Variants in MECOM observed in about 807,000 individuals in gnomAD.
MECOM encodes the protein histone-lysine N-methyltransferase MECOM.
In MECOM, 13 loss-of-function variants were observed where a neutral mutation model predicts 116.3. The observed-to-expected ratio is 0.11, with a 90% CI of 0.07 to 0.18. The LOEUF is 0.18. Among genes scored for constraint, MECOM ranks in the 10% least tolerant of loss-of-function variants. The probability of loss-of-function intolerance (pLI) is 1.00; values close to 1 mark genes in which losing one functional copy is unlikely to be tolerated. For missense variants in MECOM, 1,299 were observed against 1,509.0 expected (o/e 0.86, Z 2.31); for synonymous variants, 528 against 535.2 (o/e 0.99, Z 0.19).
chr3:169,634,539 G>A (rs2109989183), intron 1 of MECOM, among the ~76,000 whole-genome samples: 1 of 152,268 alleles, frequency 6.6e-6, no homozygotes, highest in East Asian at 1.9e-4. Flanking sequence ...GCAAATAGCA[G>A]AGGGCAGAAG....
intron 3 of MECOM, chr3:169,134,108 A>G (rs1735632065): frequency 2.9e-6 from 1 of 350,184 alleles, no homozygotes; most frequent in African/African-American, 2.1e-5. Flanking sequence ...ACGTCAGGTC[A>G]TTTTAAGAGA....
At chr3:169,173,589 A>G (rs1406809793) in intron 2 of MECOM, among the ~76,000 whole-genome samples, 1 of 152,154 alleles carries the variant, frequency 6.6e-6, no homozygotes, top group Non-Finnish European at 1.5e-5. Context: ...AATCCAGCCA[A>G]TCCTCAAGCT....
rs565001621 is a variant in MECOM, at chr3:169,643,730, T to C, written c.37+19606A>G. ...ACCTTGGGCCTTCATCTCCACTGGG[T>C]TCAGAATATTGGGTCTAACTTTTAG... On this transcript the variant is annotated intron_variant, in intron 1 of 16. Transcript: ENST00000651503. Among the ~76,000 whole-genome samples the C allele has an allele frequency of 2.6e-5, 4 of 152,314 alleles. No homozygotes were observed. In the East Asian group the frequency reaches 5.8e-4, roughly 22 times the overall value.
At chr3:169,274,523 G>A (rs899192352) in intron 2 of MECOM, among the ~76,000 whole-genome samples, 2 of 151,984 alleles carry the variant, frequency 1.3e-5, no homozygotes, top group Admixed American at 1.3e-4. Context: ...TGGAGAATAG[G>A]GTTTGAATTC....
intron 2 of MECOM, among the ~76,000 whole-genome samples, chr3:169,242,186 C>CTTCTTCTTT (rs1018676187): frequency 1.4e-4 from 22 of 152,174 alleles, no homozygotes; most frequent in Non-Finnish European, 3.1e-4. Flanking sequence ...CGAGAGGAGC[C>CTTCTTCTTT]TTCTTCTTTT....
intron 2 of MECOM, among the ~76,000 whole-genome samples, chr3:169,269,946 A>G (rs914414260): frequency 2.7e-5 from 4 of 150,462 alleles, no homozygotes; most frequent in African/African-American, 1.0e-4. Context: ...TAGCTTTCTA[A>G]CAGCTGCATA....
chr3:169,524,216 A>G (rs1757715604), intron 1 of MECOM, among the ~76,000 whole-genome samples: 1 of 152,016 alleles, frequency 6.6e-6, no homozygotes, highest in Non-Finnish European at 1.5e-5. Context: ...TAAACTTTTT[A>G]ATGTGTACAG....
chr3:169,419,590 C>T (rs570680785), intron 1 of MECOM, among the ~76,000 whole-genome samples: 1 of 151,944 alleles, frequency 6.6e-6, no homozygotes, highest in South Asian at 2.1e-4. Context: ...TTCCTTACAC[C>T]TTATACACAA....
intron 1 of MECOM, among the ~76,000 whole-genome samples, chr3:169,485,940 T>TA (rs1491397501): frequency 1.5e-5 from 1 of 66,322 alleles, no homozygotes; most frequent in East Asian, 6.3e-4. Context: ...ATAGTATATA[T>TA]GTATGTATAT....
At chr3:169,134,581 TC>T (rs1735783213) in intron 3 of MECOM, among the ~76,000 whole-genome samples, 1 of 152,208 alleles carries the variant, frequency 6.6e-6, no homozygotes, top group Non-Finnish European at 1.5e-5. Context: ...AATAAGAATG[TC>T]CCTCGAAGTT....
intron 1 of MECOM, among the ~76,000 whole-genome samples, chr3:169,532,187 C>A (rs945525156): frequency 6.6e-6 from 1 of 152,148 alleles, no homozygotes; most frequent in Non-Finnish European, 1.5e-5. Context: ...TGGTGAGCTG[C>A]CCCATGCTCA....
At chr3:169,147,687 C>T (rs888284637) in intron 2 of MECOM, 12 of 984,406 alleles carry the variant, frequency 1.2e-5, no homozygotes, top group Non-Finnish European at 1.4e-5. Context: ...AAATAGCCTC[C>T]GTTTCGATGT....
At chr3:169,200,143 TGTC>T (rs1232020205) in intron 2 of MECOM, among the ~76,000 whole-genome samples, 1 of 152,120 alleles carries the variant, frequency 6.6e-6, no homozygotes, top group African/African-American at 2.4e-5. Context: ...TTTTAACTAA[TGTC>T]GTATTTAACC....
intron 1 of MECOM, among the ~76,000 whole-genome samples, chr3:169,530,221 T>G (rs1758442955): frequency 6.6e-6 from 1 of 152,132 alleles, no homozygotes; most frequent in Non-Finnish European, 1.5e-5. Flanking sequence ...CAGTTGATGT[T>G]TACATGAATC....
intron 2 of MECOM, among the ~76,000 whole-genome samples, chr3:169,375,379 G>T (rs1730839438): frequency 7.9e-6 from 1 of 126,850 alleles, no homozygotes; most frequent in African/African-American, 3.2e-5. Context: ...AAAAATCAAT[G>T]AATCCAGGAG....
intron 1 of MECOM, among the ~76,000 whole-genome samples, chr3:169,626,526 T>C (rs1366510830): frequency 6.6e-6 from 1 of 152,190 alleles, no homozygotes; most frequent in Non-Finnish European, 1.5e-5. Flanking sequence ...TCGACTGATC[T>C]CATTAGAACA....
At chr3:169,102,314 G>A (rs1723861797) in intron 10 of MECOM, 88 bp from the exon 11 acceptor site, 1 of 1,287,324 alleles carries the variant, frequency 7.8e-7, no homozygotes, top group Non-Finnish European at 1.1e-6. Flanking sequence ...CATTAAAAGG[G>A]AAGCATGAAA....
intron 1 of MECOM, among the ~76,000 whole-genome samples, chr3:169,526,173 T>C (rs541977434): frequency 6.6e-6 from 1 of 152,156 alleles, no homozygotes; most frequent in East Asian, 1.9e-4. Context: ...GAAATAACCC[T>C]TCTATGTTCA....
At chr3:169,499,185 C>T (rs1321101993) in intron 1 of MECOM, among the ~76,000 whole-genome samples, 1 of 151,200 alleles carries the variant, frequency 6.6e-6, no homozygotes, top group African/African-American at 2.4e-5. Flanking sequence ...CAGATCATGG[C>T]TAAGTTTTCC....
Sources: gnomAD v4.1 joint callset for allele counts (sites outside exome capture counted in the v4.1 genomes callset) on GRCh38, gnomAD v4.1.1 for gene constraint, MANE v1.5 for transcripts, NCBI Gene and HGNC (gene_info 2026-07-23, HGNC 2026-07-21) for gene names.